The following TCEAL4 variants were observed in gnomAD, a reference collection of about 807,000 sequenced individuals.
TCEAL4 encodes transcription elongation factor A protein-like 4.
A neutral mutation model predicts 1.3 loss-of-function variants in TCEAL4; 1 was observed. The observed-to-expected ratio is 0.79, with a 90% CI of 0.28 to 3.76. The LOEUF (loss-of-function observed/expected upper bound fraction) is 3.76, where lower values mean the gene tolerates loss of function less well. Ranked by LOEUF, TCEAL4 falls within the 30% of genes most tolerant of loss-of-function variation. The pLI, the probability that TCEAL4 is intolerant of heterozygous loss-of-function variation, is 0.18. For synonymous variants in TCEAL4, 54 were observed against 50.7 expected (o/e 1.06, Z -0.28); for missense variants, 129 against 154.7 (o/e 0.83, Z 0.88).
intron 2 of TCEAL4, 90 bp downstream of exon 2, chrX:103,586,381 AT>A: frequency 9.5e-7 from 1 of 1,056,704 alleles, no homozygotes; most frequent in South Asian, 2.1e-5. Flanking sequence ...GGCCTTTCCC[AT>A]TCCCCCACCC....
upstream of TCEAL4, chrX:103,585,409 AG>A (rs1316618467): frequency 1.1e-6 from 1 of 950,622 alleles, no homozygotes; most frequent in African/African-American, 2.1e-5. Context: ...GGGCCCAGGG[AG>A]GTAAGAGGGT....
chrX:103,586,594 C>T, intron 2 of TCEAL4, 55 bp from the exon 3 acceptor site: 1 of 1,150,028 alleles, frequency 8.7e-7, no homozygotes. Flanking sequence ...ACCCCATGCA[C>T]TCAGTCTCCC....
chrX:103,577,007 G>A (rs1032712418), intron 1 of TCEAL4: 2 of 1,059,285 alleles, frequency 1.9e-6, no homozygotes, highest in African/African-American at 3.8e-5. Flanking sequence ...AAAAATGCCA[G>A]GCAGATCTTT....
In TCEAL4 at chrX:103,585,596, C is replaced by T. The variant is rs1180675789; in HGVS notation, c.-129C>T. 5 of 1,165,463 alleles carry T rather than the reference C, an allele frequency of 4.3e-6. No homozygotes were observed. The highest frequency in any genetic ancestry group is 2.6e-5 in the Admixed American group (1 of 38,594). On this transcript the variant is annotated 5_prime_UTR_variant, in exon 1 of 3. Coordinates refer to ENST00000472484, the MANE Select transcript of TCEAL4 (RefSeq NM_001006935.3). ...GGTCTCGTCTGCTCCGGTTCCTGGG[C>T]TCCTAATTCTTGGTCCAGCTTCTTC...
chrX:103,583,835 A>T (rs768921383), upstream of TCEAL4, among the ~76,000 whole-genome samples: 3 of 112,499 alleles, frequency 2.7e-5, no homozygotes, highest in Non-Finnish European at 5.6e-5. Flanking sequence ...CACATCCTGC[A>T]CATGTGCCCC....
Position 103,587,437 on chromosome X carries a change from C to G in TCEAL4, c.*114C>G. ...TGACCTATCTGCAATGCAGTGTTCT[C>G]AGTAGGAAATGTTCATCTGTTACAT... On this transcript the variant is annotated 3_prime_UTR_variant, in exon 3 of 3. Coordinates refer to ENST00000472484, the MANE Select transcript of TCEAL4 (RefSeq NM_001006935.3). 1.1e-6 allele frequency: 1 copy of G among 883,473 alleles called. No individual in the cohort carries two copies. Among genetic ancestry groups the G allele is most frequent in the Non-Finnish European group, 1.5e-6 (1 of 662,339 alleles). 72.8% of individuals were successfully genotyped at this position (883,473 alleles called of 1,213,427 possible).
upstream of TCEAL4, among the ~76,000 whole-genome samples, chrX:103,583,114 A>G (rs2073515561): frequency 1.8e-5 from 2 of 112,653 alleles, no homozygotes; most frequent in South Asian, 7.3e-4. Context: ...AAAACATGTG[A>G]AAAAAACCTC....
intron 2 of TCEAL4, among the ~76,000 whole-genome samples, chrX:103,578,436 T>C (rs1569388813): frequency 2.7e-5 from 3 of 111,920 alleles, no homozygotes; most frequent in Admixed American, 9.5e-5. Flanking sequence ...TCCACAGTAG[T>C]GTGCCATTTG....
intron 2 of TCEAL4, among the ~76,000 whole-genome samples, chrX:103,580,071 G>A (rs1406330769): frequency 8.9e-6 from 1 of 111,948 alleles, no homozygotes; most frequent in Non-Finnish European, 1.9e-5. Flanking sequence ...TAGCACGCCA[G>A]ATAAGACAAT....
chrX:103,584,061 G>A (rs1445652969), upstream of TCEAL4, among the ~76,000 whole-genome samples: 3 of 109,597 alleles, frequency 2.7e-5, no homozygotes, highest in Non-Finnish European at 5.7e-5. Flanking sequence ...CCGAGTAGCT[G>A]GGATTACAGG....
Position 103,586,834 on chromosome X carries a change from A to C in TCEAL4, c.159A>C (p.Thr53=). Residue 53 remains threonine (T), a synonymous_variant, in exon 3 of 3, where the codon ACA becomes ACC. Transcript: ENST00000472484. ...GAAAGACAGAAAACAAGGGCAAAACAGGAGATGAGGAAATGTTAAAGGATA... is the reference window on the plus strand; with the variant it reads ...GAAAGACAGAAAACAAGGGCAAAACCGGAGATGAGGAAATGTTAAAGGATA... The part of the protein sequence containing the change: ...NEGKTENKGK[T]GDEEMLKDKG... The C allele has an allele frequency of 8.3e-7, 1 of 1,204,663 alleles. No individual in the cohort carries two copies. Among genetic ancestry groups the C allele is most frequent in the Non-Finnish European group, 1.1e-6 (1 of 891,649 alleles).
At chrX:103,582,398 A>C (rs2073512165), upstream of TCEAL4, among the ~76,000 whole-genome samples, 1 of 112,428 alleles carries the variant, frequency 8.9e-6, no homozygotes, top group Admixed American at 9.4e-5. Context: ...CAGAATTGAA[A>C]AAAACTATTT....
chrX:103,586,460 TG>T (rs1325805914), intron 2 of TCEAL4, 169 bp downstream of exon 2: 1 of 816,795 alleles, frequency 1.2e-6, no homozygotes, highest in African/African-American at 2.1e-5. Context: ...AGGCAATGGC[TG>T]GCTCACGTGT....
At chrX:103,580,496 A>T (rs1353153466) in intron 2 of TCEAL4, among the ~76,000 whole-genome samples, 1 of 111,583 alleles carries the variant, frequency 9.0e-6, no homozygotes, top group Non-Finnish European at 1.9e-5. Flanking sequence ...TCTTTCACCG[A>T]GGCTGGAGTG....
chrX:103,585,547 G>T lies in TCEAL4; in HGVS notation c.-178G>T, dbSNP rs1348005741. 2 of 1,161,362 alleles carry T rather than the reference G, an allele frequency of 1.7e-6. No individual in the cohort carries two copies. Among genetic ancestry groups the T allele is most frequent in the East Asian group, 6.5e-5 (2 of 30,585 alleles). On this transcript the variant is annotated 5_prime_UTR_variant, in exon 1 of 3. Coordinates refer to ENST00000472484, the MANE Select transcript of TCEAL4 (RefSeq NM_001006935.3). ...CGCAGATGTAGGCACCGGTCCGAGTGCCTGCCCTCTGTCCCCGCGGCTGGG... is the reference window on the plus strand; with the variant it reads ...CGCAGATGTAGGCACCGGTCCGAGTTCCTGCCCTCTGTCCCCGCGGCTGGG...
upstream of TCEAL4, chrX:103,585,496 T>G (rs1251066023): frequency 2.7e-6 from 3 of 1,115,429 alleles, no homozygotes; most frequent in East Asian, 3.4e-5. Context: ...ACTCCTGGGC[T>G]GCGGCATTCA....
In TCEAL4 at chrX:103,585,706, G is replaced by T. The variant is rs1323670117; in HGVS notation, c.-101+82G>T. On this transcript the variant is annotated intron_variant, in intron 1 of 2. Transcript: ENST00000472484. ...CGGGTACGGCAGGGGGAAAGGCTGG[G>T]GGTGGGGTCGGGTCGAGTCGAGGGA... 3 of 1,163,303 alleles carry T rather than the reference G, an allele frequency of 2.6e-6. No individual in the cohort carries two copies. In the East Asian group the frequency reaches 9.8e-5, roughly 38 times the overall value.
upstream of TCEAL4, among the ~76,000 whole-genome samples, chrX:103,584,651 G>A (rs946921073): frequency 3.6e-5 from 4 of 112,418 alleles, no homozygotes; most frequent in African/African-American, 9.7e-5. Flanking sequence ...ACAAACAAGT[G>A]CTACTTATTC....
chrX:103,586,368 T>G (rs920150582), intron 2 of TCEAL4, 77 bp downstream of exon 2: 60 of 1,100,430 alleles, frequency 5.5e-5, no homozygotes, highest in African/African-American at 7.3e-5. Context: ...AGGGCCGAAT[T>G]GGGGCCTTTC....
Sources: allele counts gnomAD v4.1 joint callset (sites outside exome capture counted in the v4.1 genomes callset), GRCh38; gene constraint gnomAD v4.1.1; transcripts MANE v1.5; gene names NCBI Gene and HGNC (gene_info 2026-07-23, HGNC 2026-07-21).